The following CNTN5 variants were observed in gnomAD, a reference collection of about 807,000 sequenced individuals.
CNTN5 encodes the protein contactin-5.
CNTN5 carries 77 observed loss-of-function variants against 129.1 expected under a neutral mutation model. The ratio of observed to expected loss-of-function variants is 0.60; its 90% CI spans 0.50 to 0.72. The LOEUF is 0.72. Ranked by LOEUF, CNTN5 falls within the 30% of genes least tolerant of loss-of-function variation. The pLI, the probability that CNTN5 is intolerant of heterozygous loss-of-function variation, is 0.00. For synonymous variants in CNTN5, 509 were observed against 465.6 expected, an observed-to-expected ratio of 1.09 and a Z score of -1.20; for missense variants, 1,478 against 1,328.8, an observed-to-expected ratio of 1.11 and a Z score of -1.75.
At chr11:99,884,926 G>A (rs886777666) in intron 6 of CNTN5, among the ~76,000 whole-genome samples, 1 of 152,066 alleles carries the variant, frequency 6.6e-6, no homozygotes, top group East Asian at 1.9e-4. Flanking sequence ...GCAGTCAGCC[G>A]ATGTAGTACC....
chr11:100,207,868 C>A (rs1948948520), intron 15 of CNTN5, among the ~76,000 whole-genome samples: 1 of 152,126 alleles, frequency 6.6e-6, no homozygotes, highest in Non-Finnish European at 1.5e-5. Context: ...TATCATATGA[C>A]AATATCAAAT....
intron 16 of CNTN5, among the ~76,000 whole-genome samples, chr11:100,230,883 A>G (rs1949472620): frequency 6.6e-6 from 1 of 152,210 alleles, no homozygotes; most frequent in Admixed American, 6.5e-5. Context: ...TTGGATTTAT[A>G]AATTGTAAGA....
chr11:99,598,186 A>C (rs1329291771), intron 3 of CNTN5, among the ~76,000 whole-genome samples: 1 of 152,062 alleles, frequency 6.6e-6, no homozygotes, highest in Non-Finnish European at 1.5e-5. Flanking sequence ...AACTGTATCC[A>C]TGCTACCCCC....
chr11:99,240,111 T>C (rs1591402802), intron 1 of CNTN5, among the ~76,000 whole-genome samples: 1 of 152,210 alleles, frequency 6.6e-6, no homozygotes, highest in South Asian at 2.1e-4. Context: ...TAATTGTCTT[T>C]ATCATTGTCT....
chr11:100,030,277 G>A (rs1941641956), intron 9 of CNTN5, among the ~76,000 whole-genome samples: 1 of 152,164 alleles, frequency 6.6e-6, no homozygotes, highest in African/African-American at 2.4e-5. Flanking sequence ...TACCCAGGAG[G>A]CTGAGGCATG....
At chr11:99,267,920 GCACACA>G (rs141288502) in intron 1 of CNTN5, among the ~76,000 whole-genome samples, 7,046 of 140,486 alleles carry the variant, frequency 0.05, 225 homozygotes, top group East Asian at 0.14. Context: ...ACACACACAC[GCACACA>G]CACACACACA....
intron 2 of CNTN5, among the ~76,000 whole-genome samples, chr11:99,401,734 TG>T (rs1483938355): frequency 1.4e-4 from 22 of 152,138 alleles, no homozygotes; most frequent in African/African-American, 5.3e-4. Flanking sequence ...ATTTCCGTTG[TG>T]GGGTGTCCTC....
intron 1 of CNTN5, among the ~76,000 whole-genome samples, chr11:99,036,694 T>C (rs560719127): frequency 3.0e-4 from 46 of 152,324 alleles, no homozygotes; most frequent in African/African-American, 1.1e-3. Context: ...TATTAGTGTA[T>C]TACAGTGTCT....
At chr11:99,222,099 G>C (rs1318808425) in intron 1 of CNTN5, among the ~76,000 whole-genome samples, 3 of 151,732 alleles carry the variant, frequency 2.0e-5, no homozygotes, top group Non-Finnish European at 4.4e-5. Context: ...CAAAAATTTA[G>C]ACTAAAGCAA....
intron 2 of CNTN5, among the ~76,000 whole-genome samples, chr11:99,531,586 G>A (rs1213222858): frequency 6.6e-6 from 1 of 152,190 alleles, no homozygotes; most frequent in Admixed American, 6.5e-5. Context: ...TGGAGGCCCA[G>A]GAGGAAAACG....
Position 100,254,044 on chromosome 11 carries a change from G to T in CNTN5, c.2006-1716G>T, listed in dbSNP as rs142617700. Reference sequence around the variant, plus strand: ...GGTTACCCACAGCATTGTCATATTTGATGATAAACAATATCAGAATTACAA... The same window carrying T: ...GGTTACCCACAGCATTGTCATATTTTATGATAAACAATATCAGAATTACAA... On this transcript the variant is annotated intron_variant, in intron 16 of 24. Transcript: ENST00000524871. Among the ~76,000 whole-genome samples the T allele has an allele frequency of 1.2e-3, 176 of 152,126 alleles. 2 individuals are homozygous for T. In the East Asian group the frequency reaches 0.023, roughly 20 times the overall value.
chr11:99,410,787 T>C (rs1199325699), intron 2 of CNTN5, among the ~76,000 whole-genome samples: 1 of 152,244 alleles, frequency 6.6e-6, no homozygotes, highest in Non-Finnish European at 1.5e-5. Flanking sequence ...TTTGGAAATG[T>C]ACCCCCTCTG....
intron 2 of CNTN5, among the ~76,000 whole-genome samples, chr11:99,465,719 G>A (rs71474524): frequency 6.6e-6 from 1 of 151,910 alleles, no homozygotes; most frequent in Non-Finnish European, 1.5e-5. Flanking sequence ...AAAGAAAAGA[G>A]GTTTAGTTGG....
chr11:100,043,657 A>C lies in CNTN5; in HGVS notation c.981-17555A>C, dbSNP rs571878650. ...CTGTTCTGTGTGTTCATGTACATGG[A>C]TTTTCCTGCCAGGAACATTTTTTGC... is the stretch of plus-strand genomic sequence containing the variant. On this transcript the variant is annotated intron_variant, in intron 9 of 24. Transcript: ENST00000524871. 9.4e-4 allele frequency among the ~76,000 whole-genome samples: 143 copies of C among 152,050 alleles called. 1 individual carries two copies. Among genetic ancestry groups the C allele is most frequent in the Non-Finnish European group, 1.6e-3 (106 of 67,972 alleles).
chr11:99,876,718 A>G (rs577574857), intron 6 of CNTN5, among the ~76,000 whole-genome samples: 12 of 152,312 alleles, frequency 7.9e-5, no homozygotes, highest in African/African-American at 2.9e-4. Flanking sequence ...TATTATGTCA[A>G]TGCCCCTAAA....
At chr11:99,457,497 G>C (rs2135219475) in intron 2 of CNTN5, among the ~76,000 whole-genome samples, 1 of 151,848 alleles carries the variant, frequency 6.6e-6, no homozygotes, top group South Asian at 2.1e-4. Context: ...TACTTGGAGA[G>C]AAAAACAATA....
At chr11:99,713,878 C>A (rs952858958) in intron 3 of CNTN5, among the ~76,000 whole-genome samples, 1 of 151,938 alleles carries the variant, frequency 6.6e-6, no homozygotes, top group Non-Finnish European at 1.5e-5. Flanking sequence ...ATTAAATTAT[C>A]TGCATAGCTG....
chr11:100,002,854 T>G (rs975201341), intron 9 of CNTN5, among the ~76,000 whole-genome samples: 3 of 151,976 alleles, frequency 2.0e-5, no homozygotes, highest in Non-Finnish European at 4.4e-5. Flanking sequence ...GTTTTCTTTT[T>G]TTTTAGGATG....
intron 7 of CNTN5, among the ~76,000 whole-genome samples, chr11:99,940,473 T>C (rs1950410649): frequency 6.6e-6 from 1 of 152,184 alleles, no homozygotes. Flanking sequence ...ACATAAAGGC[T>C]AGTACCTAGT....
Sources: gnomAD v4.1 joint callset for allele counts (sites outside exome capture counted in the v4.1 genomes callset) on GRCh38, gnomAD v4.1.1 for gene constraint, MANE v1.5 for transcripts, NCBI Gene and HGNC (gene_info 2026-07-23, HGNC 2026-07-21) for gene names.